MAN2A1: variants seen among roughly 807,000 people sequenced by gnomAD.
MAN2A1 encodes the protein alpha-mannosidase 2.
In MAN2A1, 76 loss-of-function variants were observed where a neutral mutation model predicts 142.6. The observed-to-expected ratio is 0.53, with a 90% CI of 0.44 to 0.65. MAN2A1 has a LOEUF of 0.65. Among genes scored for constraint, MAN2A1 ranks in the 30% least tolerant of loss-of-function variants. MAN2A1 has a pLI of 0.00. For missense variants in MAN2A1, 1,311 were observed against 1,365.1 expected, an observed-to-expected ratio of 0.96 and a Z score of 0.62; for synonymous variants, 559 against 473.2, an observed-to-expected ratio of 1.18 and a Z score of -2.35.
chr5:109,834,896 G>A (rs1278855470), intron 16 of MAN2A1, among the ~76,000 whole-genome samples: 1 of 151,978 alleles, frequency 6.6e-6, no homozygotes, highest in African/African-American at 2.4e-5. Flanking sequence ...AATTGAGTGA[G>A]TCAACATGGA....
chr5:109,833,169 G>A (rs554936597), intron 16 of MAN2A1, among the ~76,000 whole-genome samples: 1 of 146,902 alleles, frequency 6.8e-6, no homozygotes, highest in Non-Finnish European at 1.5e-5. Flanking sequence ...GGGAAGAGAC[G>A]CTCCTCACTT....
Position 109,767,581 on chromosome 5 carries a change from A to T in MAN2A1, c.882A>T (p.Ser294=), listed in dbSNP as rs774056487. The change falls in exon 6 of 22, where the codon TCA becomes TCT. Residue 294 remains serine, a synonymous_variant. Transcript: ENST00000261483. ...GGGCTATTGATCCCTTTGGACACTC[A>T]CCAACAATGGCTTATCTTCTAAACC... ...SGWAIDPFGH[S]PTMAYLLNRA... 3.1e-6 allele frequency: 5 copies of T among 1,613,790 alleles called. No homozygotes were observed. The Admixed American group carries it at 8.3e-5, about 27-fold the overall frequency.
At chr5:109,828,151 A>G (rs1754807515) in intron 16 of MAN2A1, among the ~76,000 whole-genome samples, 1 of 151,936 alleles carries the variant, frequency 6.6e-6, no homozygotes, top group Non-Finnish European at 1.5e-5. Context: ...AATGAAATAT[A>G]TTGTTTTGCC....
chr5:109,731,648 G>T (rs1321263406), intron 4 of MAN2A1, among the ~76,000 whole-genome samples: 3 of 151,410 alleles, frequency 2.0e-5, no homozygotes, highest in Non-Finnish European at 4.4e-5. Flanking sequence ...TGCTGAGAAT[G>T]ATGGTTTCCA....
chr5:109,866,896 T>A lies in MAN2A1; in HGVS notation c.3333T>A (p.Pro1111=). Residue 1111 remains proline (P), a synonymous_variant, in exon 22 of 22, where the codon CCT becomes CCA. Coordinates refer to ENST00000261483, the MANE Select transcript of MAN2A1 (RefSeq NM_002372.4). The part of the protein sequence containing the change: ...LNKFIVESLT[P]SSLSLMHSPP... ...AGTTTATTGTCGAAAGTCTCACACC[T>A]TCATCACTATCCTTGATGCATTCAC... is the stretch of plus-strand genomic sequence containing the variant. The A allele has an allele frequency of 6.2e-7, 1 of 1,612,026 alleles. No homozygotes were observed. Among genetic ancestry groups the A allele is most frequent in the African/African-American group, 1.3e-5 (1 of 74,988 alleles).
At chr5:109,771,630 C>G (rs1276258635) in intron 7 of MAN2A1, among the ~76,000 whole-genome samples, 1 of 152,156 alleles carries the variant, frequency 6.6e-6, no homozygotes, top group Non-Finnish European at 1.5e-5. Context: ...GAACAACCTG[C>G]TTTCTAGCTA....
chr5:109,867,156 A>AC lies in MAN2A1; in HGVS notation c.*158_*159insC. 1.2e-4 allele frequency: 24 copies of AC among 196,854 alleles called. No homozygotes were observed. The highest frequency in any genetic ancestry group is 3.4e-4 in the East Asian group (4 of 11,732). The allele number at this position is 196,854 out of a possible 1,614,324, so 12.2% of individuals were successfully genotyped here. On this transcript the variant is annotated 3_prime_UTR_variant, in exon 22 of 22. Coordinates refer to ENST00000261483, the MANE Select transcript of MAN2A1 (RefSeq NM_002372.4). ...TCTTTTTTCTTTTACCAGTACAGTA[A>AC]GAAAAAAAAAAAAAAAAAAAAAGCC...
intron 1 of MAN2A1, among the ~76,000 whole-genome samples, chr5:109,695,766 T>C (rs1392595200): frequency 6.6e-6 from 1 of 152,208 alleles, no homozygotes; most frequent in Non-Finnish European, 1.5e-5. Context: ...AAAATAGTGA[T>C]TTTTGCTTCT....
chr5:109,853,465 A>T (rs923095488), intron 19 of MAN2A1: 22 of 152,344 alleles, frequency 1.4e-4, no homozygotes, highest in Admixed American at 1.4e-3. Context: ...GAGGATTGGT[A>T]TATATGCACG....
chr5:109,762,134 C>T (rs1389352846), intron 5 of MAN2A1, among the ~76,000 whole-genome samples: 2 of 151,920 alleles, frequency 1.3e-5, no homozygotes, highest in Admixed American at 6.6e-5. Context: ...AAGTTTTTTT[C>T]CACAAGGATA....
intron 12 of MAN2A1, among the ~76,000 whole-genome samples, chr5:109,806,325 C>T (rs955378345): frequency 1.3e-5 from 2 of 152,170 alleles, no homozygotes; most frequent in African/African-American, 4.8e-5. Flanking sequence ...GAGTAGGATA[C>T]AGAACCATTC....
chr5:109,780,450 G>T (rs138257399), intron 8 of MAN2A1, among the ~76,000 whole-genome samples: 10 of 152,076 alleles, frequency 6.6e-5, no homozygotes, highest in South Asian at 4.2e-4. Context: ...TCAGATAAGT[G>T]GTAGAGATGG....
intron 12 of MAN2A1, among the ~76,000 whole-genome samples, chr5:109,814,173 A>G (rs1004125082): frequency 6.6e-6 from 1 of 152,080 alleles, no homozygotes; most frequent in Admixed American, 6.6e-5. Flanking sequence ...ATTGAAATTA[A>G]CCCTCCCCAT....
At chr5:109,841,816 A>G (rs1197780581) in intron 16 of MAN2A1, among the ~76,000 whole-genome samples, 1 of 152,260 alleles carries the variant, frequency 6.6e-6, no homozygotes, top group Non-Finnish European at 1.5e-5. Flanking sequence ...ACTTTCAGCC[A>G]TAAACCATCT....
chr5:109,731,383 T>A (rs1391606891), intron 4 of MAN2A1, among the ~76,000 whole-genome samples: 1 of 151,790 alleles, frequency 6.6e-6, no homozygotes, highest in South Asian at 2.1e-4. Flanking sequence ...TATTATACTT[T>A]AAGTTTTAGG....
chr5:109,730,406 CAT>C (rs1426605399), intron 4 of MAN2A1, among the ~76,000 whole-genome samples: 1 of 151,868 alleles, frequency 6.6e-6, no homozygotes, highest in Non-Finnish European at 1.5e-5. Context: ...AAAATTTTAA[CAT>C]ATTTATCTAC....
At chr5:109,751,988 A>T (rs1443247641) in intron 4 of MAN2A1, among the ~76,000 whole-genome samples, 1 of 152,116 alleles carries the variant, frequency 6.6e-6, no homozygotes. Flanking sequence ...TCACACTGTC[A>T]TCAAAAAGCC....
chr5:109,842,395 TG>T lies in MAN2A1; in HGVS notation c.2635del (p.Ala879GlnfsTer2). 6.3e-7 allele frequency: 1 copy of T among 1,587,752 alleles called. No individual in the cohort carries two copies. Among genetic ancestry groups the T allele is most frequent in the Non-Finnish European group, 8.6e-7 (1 of 1,157,516 alleles). ...DIRKVYNREI[A>X]MKISSDIKSQ... The stretch of plus-strand genomic sequence containing the variant: ...TCCGAAAAGTATATAACCGTGAGAT[TG>T]CAATGAAAATTTCTTCTGATATAAA... On this transcript the variant is annotated frameshift_variant, in exon 17 of 22. Coordinates refer to ENST00000261483, the MANE Select transcript of MAN2A1 (RefSeq NM_002372.4). LOFTEE classifies it high-confidence loss of function.
At chr5:109,750,679 C>A (rs1291701946) in intron 4 of MAN2A1, among the ~76,000 whole-genome samples, 1 of 151,982 alleles carries the variant, frequency 6.6e-6, no homozygotes, top group African/African-American at 2.4e-5. Flanking sequence ...TCTGAAAAAC[C>A]TGTATGAGCA....
Sources: gnomAD v4.1 joint callset for allele counts (sites outside exome capture counted in the v4.1 genomes callset) on GRCh38, gnomAD v4.1.1 for gene constraint, MANE v1.5 for transcripts, NCBI Gene and HGNC (gene_info 2026-07-23, HGNC 2026-07-21) for gene names.